The following MYO5B variants were observed in gnomAD, a reference collection of about 807,000 sequenced individuals.
The protein encoded by MYO5B is myosin VB.
MYO5B carries 143 observed loss-of-function variants against 229.3 expected under a neutral mutation model. The observed-to-expected ratio is 0.62, with a 90% CI of 0.54 to 0.72. The LOEUF (loss-of-function observed/expected upper bound fraction) is 0.72. Among genes scored for constraint, MYO5B ranks in the 30% least tolerant of loss-of-function variants. The pLI, the probability that MYO5B is intolerant of heterozygous loss-of-function variation, is 0.00. For synonymous variants in MYO5B, 918 were observed against 885.2 expected (o/e 1.04, Z -0.66); for missense variants, 2,321 against 2,331.0 (o/e 1.00, Z 0.09).
chr18:49,920,100 C>T (rs965928732), intron 17 of MYO5B, among the ~76,000 whole-genome samples: 1 of 152,144 alleles, frequency 6.6e-6, no homozygotes, highest in African/African-American at 2.4e-5. Flanking sequence ...ATGAAAAATC[C>T]AAACTAGGCA....
chr18:50,030,876 GAAAAAAAAAAAAAAAAAAAA>G (rs869189090), intron 4 of MYO5B, among the ~76,000 whole-genome samples: 940 of 30,524 alleles, frequency 0.031, 17 homozygotes, highest in Middle Eastern at 0.12. Context: ...CTCCCTTTCA[GAAAAAAAAAAAAAAAAAAAA>G]AAAAAAAAAA....
At chr18:50,002,737 A>G (rs1213257379) in intron 4 of MYO5B, among the ~76,000 whole-genome samples, 2 of 152,202 alleles carry the variant, frequency 1.3e-5, no homozygotes, top group Non-Finnish European at 2.9e-5. Context: ...CACAAAGTAC[A>G]AACTCAATAT....
Position 49,856,812 on chromosome 18 carries a change from C to A in MYO5B, c.4022+1G>T. ...CACAGGAAGAAAGGAATATGTTCCA[C>A]CTGGCAACTTGCTTTAGGCCTTGGT... is the stretch of plus-strand genomic sequence containing the variant. On this transcript the variant is annotated splice_donor_variant, in intron 30 of 39. Coordinates refer to ENST00000285039, the MANE Select transcript of MYO5B (RefSeq NM_001080467.3). LOFTEE classifies it high-confidence loss of function. 6.2e-7 allele frequency: 1 copy of A among 1,612,424 alleles called. No individual in the cohort carries two copies. The highest frequency in any genetic ancestry group is 1.1e-5 in the South Asian group (1 of 91,050).
At chr18:49,903,991 A>C (rs563757422) in intron 20 of MYO5B, among the ~76,000 whole-genome samples, 21 of 152,370 alleles carry the variant, frequency 1.4e-4, no homozygotes, top group African/African-American at 5.0e-4. Context: ...CTCAAGTGTG[A>C]ATGAGCCCTA....
At chr18:50,092,267 GC>G (rs1249803512) in intron 1 of MYO5B, among the ~76,000 whole-genome samples, 1 of 152,220 alleles carries the variant, frequency 6.6e-6, no homozygotes, top group Non-Finnish European at 1.5e-5. Flanking sequence ...AGCAGATGCA[GC>G]CCCAAGCTGA....
At chr18:50,062,959 T>C (rs994871437) in intron 1 of MYO5B, among the ~76,000 whole-genome samples, 2 of 152,188 alleles carry the variant, frequency 1.3e-5, no homozygotes, top group African/African-American at 4.8e-5. Flanking sequence ...AAATGTCTTC[T>C]GCACCAGGGT....
chr18:49,851,538 T>G (rs1213304886), intron 31 of MYO5B, among the ~76,000 whole-genome samples: 1 of 152,214 alleles, frequency 6.6e-6, no homozygotes, highest in Non-Finnish European at 1.5e-5. Context: ...CCCAAAGTCC[T>G]AAAGCCTAAA....
At chr18:50,069,737 C>A (rs2030907634) in intron 1 of MYO5B, among the ~76,000 whole-genome samples, 1 of 152,104 alleles carries the variant, frequency 6.6e-6, no homozygotes, top group Admixed American at 6.6e-5. Context: ...AGTTAAGGAA[C>A]CTAGATATGC....
intron 1 of MYO5B, among the ~76,000 whole-genome samples, chr18:50,109,464 C>G (rs1194479466): frequency 6.7e-6 from 1 of 149,950 alleles, no homozygotes; most frequent in Non-Finnish European, 1.5e-5. Flanking sequence ...CTTGCTCTGT[C>G]GCCCAGGCTG....
chr18:50,087,510 T>C (rs1225173728), intron 1 of MYO5B, among the ~76,000 whole-genome samples: 1 of 149,286 alleles, frequency 6.7e-6, no homozygotes, highest in African/African-American at 2.5e-5. Flanking sequence ...GAAGTGGAGG[T>C]TGCAGTGAGG....
rs565977861 is a variant in MYO5B, at chr18:50,009,092, T to C, written c.456-7681A>G. On this transcript the variant is annotated intron_variant, in intron 4 of 39. Coordinates refer to ENST00000285039, the MANE Select transcript of MYO5B (RefSeq NM_001080467.3). ...GGTGACTTAAAATGATAATAGTATA[T>C]ATGTGCCGAGCGCAGTGGCTCACGT... Among the ~76,000 whole-genome samples the C allele has an allele frequency of 3.3e-5, 5 of 152,292 alleles. No individual in the cohort carries two copies. In the South Asian group the frequency reaches 6.2e-4, roughly 19 times the overall value.
chr18:49,919,042 A>G (rs533631390), intron 17 of MYO5B, among the ~76,000 whole-genome samples: 6 of 152,328 alleles, frequency 3.9e-5, no homozygotes, highest in East Asian at 1.9e-4. Flanking sequence ...TTTCTCGGGT[A>G]TATTTCTTTA....
At chr18:49,842,694 C>T (rs1047474509) in intron 34 of MYO5B, among the ~76,000 whole-genome samples, 1 of 152,214 alleles carries the variant, frequency 6.6e-6, no homozygotes, top group Non-Finnish European at 1.5e-5. Flanking sequence ...TCAAGAAGAG[C>T]CTTGTGCCTT....
At chr18:49,936,860 C>G (rs1407132149) in intron 15 of MYO5B, among the ~76,000 whole-genome samples, 1 of 152,264 alleles carries the variant, frequency 6.6e-6, no homozygotes, top group African/African-American at 2.4e-5. Context: ...ATGGGCAGAA[C>G]AGCCACAGAG....
chr18:49,954,263 A>G (rs780288834), intron 13 of MYO5B, 50 bp downstream of exon 13: 53 of 1,609,730 alleles, frequency 3.3e-5, no homozygotes, highest in South Asian at 5.5e-5. Flanking sequence ...CATTGAGTCT[A>G]CTTAGAGAGG....
At chr18:50,050,999 C>T (rs1268344856) in intron 2 of MYO5B, among the ~76,000 whole-genome samples, 1 of 152,194 alleles carries the variant, frequency 6.6e-6, no homozygotes, top group Non-Finnish European at 1.5e-5. Flanking sequence ...AGGAGGAATG[C>T]TTTGCAATAC....
Position 49,991,732 on chromosome 18 carries a change from G to A in MYO5B, c.756+556C>T, listed in dbSNP as rs145932634. Among the ~76,000 whole-genome samples, 109 of 152,220 alleles carry A rather than the reference G, an allele frequency of 7.2e-4. No individual in the cohort carries two copies. In the East Asian group the frequency reaches 0.015, roughly 21 times the overall value. ...GAGAAATACCTAATGTAGATGATGAGGTGATGGGTGCAGCAAACCACCATG... is the reference window on the plus strand; with the variant it reads ...GAGAAATACCTAATGTAGATGATGAAGTGATGGGTGCAGCAAACCACCATG... On this transcript the variant is annotated intron_variant, in intron 6 of 39. Transcript: ENST00000285039.
chr18:50,052,107 G>A (rs1217708951), intron 2 of MYO5B, among the ~76,000 whole-genome samples: 6 of 152,106 alleles, frequency 3.9e-5, no homozygotes, highest in Non-Finnish European at 1.5e-5. Flanking sequence ...ACTGCTGGTG[G>A]GACTGTAAAC....
chr18:50,122,641 G>A (rs1319342356), intron 1 of MYO5B, among the ~76,000 whole-genome samples: 1,284 of 4,164 alleles, frequency 0.31, 170 homozygotes, highest in Non-Finnish European at 0.46. Flanking sequence ...GGGGGAGAGA[G>A]AGAGAGAGAG....
Sources: allele counts gnomAD v4.1 joint callset (sites outside exome capture counted in the v4.1 genomes callset), GRCh38; gene constraint gnomAD v4.1.1; transcripts MANE v1.5; gene names NCBI Gene and HGNC (gene_info 2026-07-23, HGNC 2026-07-21).